The following HELZ variants were observed in gnomAD, a reference collection of about 807,000 sequenced individuals.
HELZ encodes ATP-dependent RNA helicase with zinc finger domain.
A neutral mutation model predicts 218.2 loss-of-function variants in HELZ; 23 were observed. The ratio of observed to expected loss-of-function variants is 0.11; its 90% CI spans 0.08 to 0.15. The LOEUF is 0.15. Among genes scored for constraint, HELZ ranks in the 10% least tolerant of loss-of-function variants. The pLI is 1.00. For missense variants in HELZ, 1,813 were observed against 2,353.7 expected, an observed-to-expected ratio of 0.77 and a Z score of 4.75; for synonymous variants, 814 against 829.4, an observed-to-expected ratio of 0.98 and a Z score of 0.32.
intron 13 of HELZ, among the ~76,000 whole-genome samples, chr17:67,171,872 C>A (rs897838871): frequency 6.6e-6 from 1 of 151,570 alleles, no homozygotes; most frequent in African/African-American, 2.4e-5. Context: ...ACTCTTGATG[C>A]CCCAGCTGGA....
intron 5 of HELZ, among the ~76,000 whole-genome samples, 185 bp from the exon 6 acceptor site, chr17:67,203,628 C>T (rs1209528353): frequency 6.6e-6 from 1 of 152,112 alleles, no homozygotes; most frequent in African/African-American, 2.4e-5. Flanking sequence ...CAAGAAAAAA[C>T]ATGCGGCAAT....
intron 3 of HELZ, among the ~76,000 whole-genome samples, chr17:67,222,173 A>G (rs905950655): frequency 6.6e-6 from 1 of 152,202 alleles, no homozygotes; most frequent in Non-Finnish European, 1.5e-5. Context: ...ACTGATCTCA[A>G]CATACAATAC....
chr17:67,086,129 C>A (rs1190685954), intron 32 of HELZ, among the ~76,000 whole-genome samples: 1 of 152,166 alleles, frequency 6.6e-6, no homozygotes, highest in Non-Finnish European at 1.5e-5. Context: ...ACTCACCCCC[C>A]TCAGCCCTGA....
chr17:67,100,217 T>C (rs1436825360), intron 31 of HELZ, among the ~76,000 whole-genome samples: 1 of 152,168 alleles, frequency 6.6e-6, no homozygotes, highest in Admixed American at 6.5e-5. Flanking sequence ...ATTAAAATTA[T>C]CAACTAATTT....
chr17:67,218,203 A>T (rs2040655619), intron 4 of HELZ, among the ~76,000 whole-genome samples: 1 of 151,828 alleles, frequency 6.6e-6, no homozygotes, highest in South Asian at 2.1e-4. Flanking sequence ...AAGTGCTGGG[A>T]TTACAGGTAT....
intron 31 of HELZ, among the ~76,000 whole-genome samples, chr17:67,089,668 T>TATAGAGAG (rs71293575): frequency 5.5e-4 from 39 of 70,634 alleles, no homozygotes; most frequent in Middle Eastern, 8.2e-3. Context: ...TATATATATA[T>TATAGAGAG]AGAGAGAGAG....
intron 13 of HELZ, chr17:67,173,053 CA>C: frequency 1.0e-6 from 1 of 982,654 alleles, no homozygotes; most frequent in Non-Finnish European, 1.2e-6. Flanking sequence ...TGTCTTGCAA[CA>C]AAATTCTTGA....
chr17:67,098,572 T>TAA (rs770393293), intron 31 of HELZ, among the ~76,000 whole-genome samples: 12 of 123,980 alleles, frequency 9.7e-5, no homozygotes, highest in African/African-American at 3.3e-4. Flanking sequence ...CCGTCTCTAC[T>TAA]AAAAAAAAAA....
Position 67,188,648 on chromosome 17 carries a change from C to A in HELZ, c.865-32G>T, listed in dbSNP as rs1482077364. On this transcript the variant is annotated intron_variant, in intron 11 of 32. Transcript: ENST00000358691. The surrounding 1 kb of genome is among the most constrained non-coding windows in gnomAD (Gnocchi z 4.1). ...GGAAGTTAAAATAATTCATTGAGTA[C>A]AAGGGGGTGAAAAATCCAATTGTAA... The A allele has an allele frequency of 5.1e-6, 8 of 1,559,182 alleles. No individual in the cohort carries two copies. In the South Asian group the frequency reaches 9.4e-5, roughly 18 times the overall value.
In HELZ at chr17:67,155,098, G is replaced by A. The variant is rs529899143; in HGVS notation, c.2178-3874C>T. Reference sequence around the variant, plus strand: ...AGAGCTAAAAAACATTACCTCTTACGAACTTTGTCAGAAGGGTTGAAAGCA... The same window carrying A: ...AGAGCTAAAAAACATTACCTCTTACAAACTTTGTCAGAAGGGTTGAAAGCA... On this transcript the variant is annotated intron_variant, in intron 17 of 32. Transcript: ENST00000358691. Among the ~76,000 whole-genome samples the A allele has an allele frequency of 5.9e-5, 9 of 152,280 alleles. No homozygotes were observed. In the South Asian group the frequency reaches 1.5e-3, roughly 25 times the overall value.
intron 5 of HELZ, among the ~76,000 whole-genome samples, chr17:67,213,314 TA>T (rs1310886459): frequency 6.6e-6 from 1 of 152,106 alleles, no homozygotes; most frequent in Non-Finnish European, 1.5e-5. Context: ...CATCTGAAAC[TA>T]ATCTGACAGT....
At chr17:67,226,062 C>A (rs2040881333) in intron 3 of HELZ, among the ~76,000 whole-genome samples, 1 of 151,862 alleles carries the variant, frequency 6.6e-6, no homozygotes, top group Non-Finnish European at 1.5e-5. Flanking sequence ...GCGATCAAGA[C>A]CATCCTGGCC....
At chr17:67,185,254 C>T (rs1270868204) in intron 12 of HELZ, among the ~76,000 whole-genome samples, 1 of 152,162 alleles carries the variant, frequency 6.6e-6, no homozygotes, top group Non-Finnish European at 1.5e-5. Context: ...TTCACATAAA[C>T]AAATTGTTTG....
rs2041392648 is a variant in HELZ, at chr17:67,243,832, T to C, written c.-124A>G. ...AGTTCATTAGTGATCCATTACTTCATCCAAATCCTGAGGCAAATAGAAAAG... is the reference window on the plus strand; with the variant it reads ...AGTTCATTAGTGATCCATTACTTCACCCAAATCCTGAGGCAAATAGAAAAG... On this transcript the variant is annotated 5_prime_UTR_variant, in exon 2 of 33. The change abolishes an upstream ATG in the 5' untranslated region. Coordinates refer to ENST00000358691, the MANE Select transcript of HELZ (RefSeq NM_014877.4). 1 of 201,964 alleles carries C rather than the reference T, an allele frequency of 5.0e-6. No individual in the cohort carries two copies. The highest frequency in any genetic ancestry group is 2.4e-5 in the African/African-American group (1 of 42,284). The allele number at this position is 201,964 out of a possible 1,614,324, so 12.5% of individuals were successfully genotyped here. A position where few individuals can be genotyped will look rare whatever the true frequency, so the allele number is the denominator to read the frequency against.
chr17:67,155,930 G>GTA (rs1415195042), intron 17 of HELZ, among the ~76,000 whole-genome samples: 1 of 149,588 alleles, frequency 6.7e-6, no homozygotes, highest in Non-Finnish European at 1.5e-5. Flanking sequence ...ATGTGTGTGT[G>GTA]TATATATTAT....
intron 3 of HELZ, chr17:67,225,022 G>A: frequency 1.5e-6 from 1 of 674,984 alleles, no homozygotes; most frequent in Non-Finnish European, 2.8e-6. Context: ...AAGAGAAAGG[G>A]TCAAGTGATC....
At chr17:67,172,730 T>A (rs2039348336) in intron 13 of HELZ, among the ~76,000 whole-genome samples, 1 of 152,078 alleles carries the variant, frequency 6.6e-6, no homozygotes, top group African/African-American at 2.4e-5. Flanking sequence ...CTCAGCCTCC[T>A]GAGTAGCAGG....
chr17:67,176,981 C>CT (rs113989752), intron 13 of HELZ, among the ~76,000 whole-genome samples: 276 of 142,942 alleles, frequency 1.9e-3, no homozygotes, highest in South Asian at 4.2e-3. Flanking sequence ...TTCAGTTTCT[C>CT]TTTTTTTTTT....
At chr17:67,217,763 T>C (rs746784266) in intron 4 of HELZ, among the ~76,000 whole-genome samples, 3 of 152,082 alleles carry the variant, frequency 2.0e-5, no homozygotes, top group Non-Finnish European at 4.4e-5. Context: ...TTGCCTCTGG[T>C]TATCACCTTC....
Sources: allele counts gnomAD v4.1 joint callset (sites outside exome capture counted in the v4.1 genomes callset), GRCh38; gene constraint gnomAD v4.1.1; non-coding constraint Gnocchi (gnomAD v3.1); transcripts MANE v1.5; gene names NCBI Gene and HGNC (gene_info 2026-07-23, HGNC 2026-07-21).